XRN1: variants seen among roughly 807,000 people sequenced by gnomAD.
XRN1 encodes the protein 5'-3' exoribonuclease 1.
XRN1 carries 67 observed loss-of-function variants against 222.3 expected under a neutral mutation model. The ratio of observed to expected loss-of-function variants is 0.30; its 90% CI spans 0.25 to 0.37. The LOEUF (loss-of-function observed/expected upper bound fraction) is 0.37, where lower values mean the gene tolerates loss of function less well. Ranked by LOEUF, XRN1 falls within the 10% of genes least tolerant of loss-of-function variation. XRN1 has a pLI of 1.00. For synonymous variants in XRN1, 643 were observed against 652.4 expected, an observed-to-expected ratio of 0.99 and a Z score of 0.22; for missense variants, 1,707 against 2,000.2, an observed-to-expected ratio of 0.85 and a Z score of 2.80.
chr3:142,387,150 A>G (rs1473636811), intron 20 of XRN1, among the ~76,000 whole-genome samples: 1 of 152,214 alleles, frequency 6.6e-6, no homozygotes, highest in East Asian at 1.9e-4. Context: ...TGAACAAACT[A>G]TGATTACATG....
At chr3:142,436,056 C>G (rs1274498039) in intron 1 of XRN1, 12 of 131,746 alleles carry the variant, frequency 9.1e-5, no homozygotes, top group African/African-American at 3.7e-4. Context: ...CGAGACTCCA[C>G]CTCAAAAAAA....
rs775359864 is a variant in XRN1, at chr3:142,356,893, T to TA, written c.3672+18dup. The TA allele has an allele frequency of 4.4e-6, 7 of 1,607,050 alleles. No homozygotes were observed. The South Asian group carries it at 7.7e-5, about 18-fold the overall frequency. ...TTTGTAAAAGGGGTAGAGGAGAAGTTAAAGACTGAGAGTCTTACTTGAGTA... is the reference window on the plus strand; with the variant it reads ...TTTGTAAAAGGGGTAGAGGAGAAGTTAAAAGACTGAGAGTCTTACTTGAGTA... On this transcript the variant is annotated intron_variant, in intron 31 of 40. Coordinates refer to ENST00000392981, the MANE Select transcript of XRN1 (RefSeq NM_001282857.2).
At chr3:142,344,450 C>T (rs2066083515) in intron 33 of XRN1, among the ~76,000 whole-genome samples, 1 of 152,062 alleles carries the variant, frequency 6.6e-6, no homozygotes, top group South Asian at 2.1e-4. Flanking sequence ...ACTGTACTAG[C>T]TGTTGTAAAC....
intron 39 of XRN1, among the ~76,000 whole-genome samples, chr3:142,316,525 T>A (rs2065215703): frequency 6.6e-6 from 1 of 152,182 alleles, no homozygotes; most frequent in Non-Finnish European, 1.5e-5. Flanking sequence ...TAAAAGCTGC[T>A]TAGTCTTCTC....
At chr3:142,432,251 T>TTA (rs60775404) in intron 2 of XRN1, among the ~76,000 whole-genome samples, 5,851 of 124,080 alleles carry the variant, frequency 0.047, 606 homozygotes, top group African/African-American at 0.18. Context: ...AAAATTTATT[T>TTA]TATATATATA....
At chr3:142,360,602 C>T (rs1312386957) in intron 29 of XRN1, among the ~76,000 whole-genome samples, 2 of 151,628 alleles carry the variant, frequency 1.3e-5, no homozygotes, top group South Asian at 2.1e-4. Flanking sequence ...CAGTGGCTCA[C>T]GCCTGTAATC....
chr3:142,409,746 G>A (rs942120036), intron 15 of XRN1, among the ~76,000 whole-genome samples: 2 of 152,136 alleles, frequency 1.3e-5, no homozygotes, highest in Non-Finnish European at 2.9e-5. Flanking sequence ...TGAGGAGGAC[G>A]TACACCTTAA....
chr3:142,438,438 T>C (rs912326672), intron 1 of XRN1, among the ~76,000 whole-genome samples: 5 of 152,138 alleles, frequency 3.3e-5, no homozygotes, highest in Non-Finnish European at 5.9e-5. Flanking sequence ...ACTAATCCGA[T>C]AAGCAGAGGT....
Position 142,383,323 on chromosome 3 carries a change from G to T in XRN1, c.2593C>A (p.Pro865Thr), listed in dbSNP as rs774934855. The T allele has an allele frequency of 6.2e-7, 1 of 1,613,516 alleles. No homozygotes were observed. Among genetic ancestry groups the T allele is most frequent in the Non-Finnish European group, 8.5e-7 (1 of 1,179,766 alleles). Residue 865 changes from proline to threonine, a missense_variant, in exon 22 of 41, where the codon CCC becomes ACC. Pro to Thr is a conservative substitution (Grantham distance 38). Around this residue, in one of 2 missense-constraint regions of XRN1, gnomAD observed 1,234 missense variants for 1,518.2 expected, o/e 0.81. Coordinates refer to ENST00000392981, the MANE Select transcript of XRN1 (RefSeq NM_001282857.2). ...ACTTCTCCAGTGCAGCCATAATAGG[G>T]AGTTCCCAGCATAAAGACCATACTT... ...LRSMVFMLGT[P>T]YYGCTGEVQD...
At chr3:142,397,896 A>G (rs911299694) in intron 19 of XRN1, among the ~76,000 whole-genome samples, 1 of 152,228 alleles carries the variant, frequency 6.6e-6, no homozygotes, top group Non-Finnish European at 1.5e-5. Flanking sequence ...TGTCATATAC[A>G]TGGATCAAAA....
At position 142,365,119 on chromosome 3, in the gene XRN1, G is replaced by C; in HGVS notation, c.3322C>G (p.Arg1108Gly). 1.2e-6 allele frequency: 2 copies of C among 1,613,112 alleles called. No homozygotes were observed. Among genetic ancestry groups the C allele is most frequent in the Non-Finnish European group, 1.7e-6 (2 of 1,179,546 alleles). Residue 1108 changes from arginine to glycine, a missense_variant, in exon 29 of 41, where the codon CGT (arginine) becomes GGT (glycine). Arg to Gly is a moderately radical substitution (Grantham distance 125, BLOSUM62 -2). Around this residue, in one of 2 missense-constraint regions of XRN1, gnomAD observed 1,234 missense variants for 1,518.2 expected, o/e 0.81. Transcript: ENST00000392981. ...AAGTTTTCTCTCACATTTACAACAC[G>C]GTCAAAAAGACAAAATTCTGCATCC... ...DRDAEFCLFD[R>G]VVNVRENFSV...
rs1033398185 is a variant in XRN1 at position 142,412,749 on chromosome 3, T to C, written c.1594-86A>G. On this transcript the variant is annotated intron_variant, in intron 14 of 40. Transcript: ENST00000392981. ...TTAATGTATTTATAATATTTCCTCATGTTAGTTTAAAATTTCTAAGCAAAG... is the reference window on the plus strand; with the variant it reads ...TTAATGTATTTATAATATTTCCTCACGTTAGTTTAAAATTTCTAAGCAAAG... 197 of 1,132,972 alleles carry C rather than the reference T, an allele frequency of 1.7e-4. 1 individual carries two copies. Among genetic ancestry groups the C allele is most frequent in the Non-Finnish European group, 1.5e-4 (125 of 859,946 alleles). The allele number at this position is 1,132,972 out of a possible 1,614,324, so 70.2% of individuals were successfully genotyped here. A position where few individuals can be genotyped will look rare whatever the true frequency, so the allele number is the denominator to read the frequency against.
At position 142,364,539 on chromosome 3, in the gene XRN1, A is replaced by G. The variant is rs547966840; in HGVS notation, c.3394+508T>C. 2.6e-5 allele frequency among the ~76,000 whole-genome samples: 4 copies of G among 152,242 alleles called. No individual in the cohort carries two copies. The South Asian group carries it at 8.3e-4, about 32-fold the overall frequency. On this transcript the variant is annotated intron_variant, in intron 29 of 40. Coordinates refer to ENST00000392981, the MANE Select transcript of XRN1 (RefSeq NM_001282857.2). Reference sequence around the variant, plus strand: ...CAACAGATTGATAGGTCTATTTTATATATGTAATTTAGTTGTATTCATAAA... The same window carrying G: ...CAACAGATTGATAGGTCTATTTTATGTATGTAATTTAGTTGTATTCATAAA...
intron 16 of XRN1, 33 bp from the exon 17 acceptor site, chr3:142,404,022 T>A (rs770477642): frequency 4.7e-6 from 7 of 1,492,588 alleles, no homozygotes; most frequent in Non-Finnish European, 6.5e-6. Flanking sequence ...TAATTTAAAA[T>A]TAATACATTA....
intron 8 of XRN1, 150 bp from the exon 9 acceptor site, chr3:142,421,693 G>A (rs1168014402): frequency 2.0e-6 from 1 of 490,258 alleles, no homozygotes; most frequent in African/African-American, 2.0e-5. Flanking sequence ...ACTGGCCCTA[G>A]TTTCTGTGAA....
chr3:142,439,007 A>T lies in XRN1; in HGVS notation c.76-6114T>A, dbSNP rs989278194. Among the ~76,000 whole-genome samples the T allele has an allele frequency of 2.6e-5, 4 of 152,196 alleles. No homozygotes were observed. The South Asian group carries it at 8.3e-4, about 32-fold the overall frequency. ...GTAAACAATGAACCAGAGTGCCAAT[A>T]TTCCCCGATTATGCCCCCTCCAAGC... is the stretch of plus-strand genomic sequence containing the variant. On this transcript the variant is annotated intron_variant, in intron 1 of 40. Coordinates refer to ENST00000392981, the MANE Select transcript of XRN1 (RefSeq NM_001282857.2).
In XRN1 at chr3:142,322,161, C is replaced by T. The variant is rs532473725; in HGVS notation, c.4405-3258G>A. Reference sequence around the variant, plus strand: ...GTCTCAAAGTGCAGTCTGGGGATAGCTGAGGGTCTGCGAGACCCTTTCAGG... The same window carrying T: ...GTCTCAAAGTGCAGTCTGGGGATAGTTGAGGGTCTGCGAGACCCTTTCAGG... On this transcript the variant is annotated intron_variant, in intron 37 of 40. Coordinates refer to ENST00000392981, the MANE Select transcript of XRN1 (RefSeq NM_001282857.2). Among the ~76,000 whole-genome samples, 8 of 152,252 alleles carry T rather than the reference C, an allele frequency of 5.3e-5. No individual in the cohort carries two copies. The East Asian group carries it at 1.4e-3, about 26-fold the overall frequency.
At chr3:142,380,380 G>T (rs2067266635) in intron 22 of XRN1, among the ~76,000 whole-genome samples, 200 bp from the exon 23 acceptor site, 1 of 152,064 alleles carries the variant, frequency 6.6e-6, no homozygotes, top group East Asian at 1.9e-4. Context: ...TTTGAGACAG[G>T]ATCTATAATA....
At chr3:142,321,388 T>G (rs917252556) in intron 37 of XRN1, among the ~76,000 whole-genome samples, 7 of 152,230 alleles carry the variant, frequency 4.6e-5, no homozygotes, top group African/African-American at 1.7e-4. Flanking sequence ...CTGAAAATGC[T>G]GGGATTACAG....
Sources: gnomAD v4.1 joint callset for allele counts (sites outside exome capture counted in the v4.1 genomes callset) on GRCh38, gnomAD v4.1.1 for gene constraint, gnomAD v4.1.1 regional missense constraint, MANE v1.5 for transcripts, NCBI Gene and HGNC (gene_info 2026-07-23, HGNC 2026-07-21) for gene names.